Variants in LRRC71 observed in about 807,000 individuals in gnomAD.
LRRC71 encodes leucine-rich repeat-containing protein 71.
LRRC71 carries 54 observed loss-of-function variants against 66.6 expected under a neutral mutation model. That is an observed-to-expected ratio of 0.81 (90% CI 0.65 to 1.02). The LOEUF (loss-of-function observed/expected upper bound fraction) is 1.02. Among genes scored for constraint, LRRC71 ranks in the 50% least tolerant of loss-of-function variants. The probability of loss-of-function intolerance (pLI) is 0.00; values close to 1 mark genes in which losing one functional copy is unlikely to be tolerated. For synonymous variants in LRRC71, 323 were observed against 303.9 expected (o/e 1.06, Z -0.65); for missense variants, 724 against 718.0 (o/e 1.01, Z -0.10).
intron 9 of LRRC71, among the ~76,000 whole-genome samples, chr1:156,928,419 C>CTTA (rs1392218392): frequency 1.0e-4 from 12 of 115,284 alleles, no homozygotes; most frequent in Middle Eastern, 4.0e-3. Flanking sequence ...TCTTATTCCT[C>CTTA]CTCCTCCTCT....
chr1:156,928,937 A>T (rs1479401870), intron 9 of LRRC71, among the ~76,000 whole-genome samples: 2 of 152,020 alleles, frequency 1.3e-5, no homozygotes, highest in Non-Finnish European at 2.9e-5. Context: ...TACCTATTTC[A>T]TGACTGTCGA....
chr1:156,926,575 CCT>C (rs1491555222), intron 5 of LRRC71, among the ~76,000 whole-genome samples: 6 of 133,358 alleles, frequency 4.5e-5, no homozygotes, highest in African/African-American at 1.8e-4. Flanking sequence ...CCACCCCCCA[CCT>C]CTTCTTTTTT....
At position 156,929,471 on chromosome 1, in the gene LRRC71, G is replaced by A. The variant is rs753968786; in HGVS notation, c.1146+42G>A. 3.7e-5 allele frequency: 59 copies of A among 1,612,418 alleles called. No homozygotes were observed. The South Asian group carries it at 6.5e-4, about 18-fold the overall frequency. On this transcript the variant is annotated intron_variant, in intron 10 of 14. Coordinates refer to ENST00000337428, the MANE Select transcript of LRRC71 (RefSeq NM_144702.3). ...ACAGATCCTGGGTGCTGGACGGACA[G>A]GGGAGGGGGCTTCCATCATGTACAG...
intron 9 of LRRC71, 137 bp downstream of exon 9, chr1:156,928,141 T>C: frequency 1.2e-6 from 1 of 869,322 alleles, no homozygotes. Flanking sequence ...TTCCCTCCGA[T>C]TTCTGCACAG....
rs201173672 is a variant in LRRC71, at chr1:156,930,015, TTTTTC to T, written c.1240+301_1240+305del. ...GCTGGGGCCCCCTCCAGCCATTTCT[TTTTTC>T]TTTTCTTTTCTTTTTCTTTCTTTCT... On this transcript the variant is annotated intron_variant, in intron 11 of 14. Transcript: ENST00000337428. Among the ~76,000 whole-genome samples the T allele has an allele frequency of 9.8e-3, 1,451 of 148,772 alleles. 15 individuals carry two copies. The highest frequency in any genetic ancestry group is 0.018 in the Middle Eastern group (5 of 280).
Position 156,920,780 on chromosome 1 carries a change from A to G in LRRC71, c.-24A>G, listed in dbSNP as rs1652232121. ...ACCTTCCTGCCCCGACGAAGGTCCC[A>G]GAGACGCTGCGGACAACACCAGCAT... On this transcript the variant is annotated 5_prime_UTR_variant, in exon 1 of 15. Transcript: ENST00000337428. The surrounding 1 kb of genome is among the most constrained non-coding windows in gnomAD (Gnocchi z 4.9). 2 of 1,491,710 alleles carry G rather than the reference A, an allele frequency of 1.3e-6. No homozygotes were observed. The highest frequency in any genetic ancestry group is 2.6e-5 in the East Asian group (1 of 38,934). 92.4% of individuals were successfully genotyped at this position (1,491,710 alleles called of 1,614,324 possible). A position where few individuals can be genotyped will look rare whatever the true frequency, so the allele number is the denominator to read the frequency against.
chr1:156,923,508 G>A (rs1039712589), intron 1 of LRRC71, among the ~76,000 whole-genome samples: 1 of 152,246 alleles, frequency 6.6e-6, no homozygotes, highest in Admixed American at 6.5e-5. Flanking sequence ...GCTCTTGGGT[G>A]TATGTGTAGG....
the LRRC71 span, chr1:156,938,291 C>T: frequency 4.8e-6 from 4 of 826,994 alleles, no homozygotes; most frequent in South Asian, 2.0e-5. Flanking sequence ...TCTTCCTCCT[C>T]CCCATTCCAG....
chr1:156,938,326 G>C, the LRRC71 span: 3 of 1,198,640 alleles, frequency 2.5e-6, no homozygotes, highest in Non-Finnish European at 3.6e-6. Context: ...TTGTGGGTGT[G>C]TGTGTGACCA....
chr1:156,937,559 T>C (rs1048918911), downstream of LRRC71: 18 of 1,481,690 alleles, frequency 1.2e-5, no homozygotes, highest in Non-Finnish European at 1.6e-5. Flanking sequence ...TATCCTCCCG[T>C]TCCTGTGGGA....
intron 1 of LRRC71, 101 bp downstream of exon 1, chr1:156,921,064 T>C: frequency 7.8e-7 from 1 of 1,284,782 alleles, no homozygotes; most frequent in Non-Finnish European, 1.0e-6. Flanking sequence ...AACTCATACA[T>C]ACCTACGTTG....
In LRRC71 at chr1:156,924,037, C is replaced by G. The variant is rs1418707932; in HGVS notation, c.249C>G (p.Asn83Lys). 2 of 1,548,262 alleles carry G rather than the reference C, an allele frequency of 1.3e-6. No homozygotes were observed. The highest frequency in any genetic ancestry group is 2.4e-5 in the East Asian group (1 of 40,904). ...WGYTDFPKVV[N>K]RPRPHPPFVP... ...ACACGGACTTCCCCAAAGTTGTCAACCGGCCCCGCCCCCACCCGCCCTTCG... is the reference window on the plus strand; with the variant it reads ...ACACGGACTTCCCCAAAGTTGTCAAGCGGCCCCGCCCCCACCCGCCCTTCG... The change falls in exon 2 of 15, where the codon AAC becomes AAG. Residue 83 changes from asparagine (N) to lysine (K), a missense_variant. Asn to Lys is a moderately conservative substitution (Grantham distance 94). Coordinates refer to ENST00000337428, the MANE Select transcript of LRRC71 (RefSeq NM_144702.3).
downstream of LRRC71, chr1:156,937,052 A>T: frequency 6.3e-7 from 1 of 1,596,088 alleles, no homozygotes; most frequent in Non-Finnish European, 8.6e-7. Context: ...TTCTATTCCT[A>T]AGGCCCCTGG....
At chr1:156,924,134 G>A (rs912017579) in intron 2 of LRRC71, 36 bp downstream of exon 2, 2 of 1,546,078 alleles carry the variant, frequency 1.3e-6, no homozygotes, top group African/African-American at 1.4e-5. Context: ...GCCTGCCAGG[G>A]CCGCCTAGTC....
rs781374670 is a variant in LRRC71 at position 156,924,557 on chromosome 1, G to T, written c.439+5G>T. 1.3e-6 allele frequency: 2 copies of T among 1,551,504 alleles called. No individual in the cohort carries two copies. Among genetic ancestry groups the T allele is most frequent in the Non-Finnish European group, 1.7e-6 (2 of 1,146,944 alleles). On this transcript the variant is annotated splice_donor_5th_base_variant and intron_variant, in intron 3 of 14. Transcript: ENST00000337428. ...TGAAGGAAATCTACATCCGCGGTGA[G>T]CCCCGCTCCCCCCACCCGCCCCAGC... is the stretch of plus-strand genomic sequence containing the variant.
rs566050671 is a variant in LRRC71 at position 156,924,166 on chromosome 1, C to G, written c.310+68C>G. 36 of 1,501,662 alleles carry G rather than the reference C, an allele frequency of 2.4e-5. No homozygotes were observed. The Middle Eastern group carries it at 6.7e-4, about 28-fold the overall frequency. The allele number at this position is 1,501,662 out of a possible 1,614,324, so 93.0% of individuals were successfully genotyped here. On this transcript the variant is annotated intron_variant, in intron 2 of 14. Transcript: ENST00000337428. ...AGTCCATCCTCAGCCTCCCTTCCCA[C>G]GCCGGGCCAAATGGAGGGACGCGGG...
chr1:156,928,312 A>ACTT (rs755253025), intron 9 of LRRC71, among the ~76,000 whole-genome samples: 5 of 146,786 alleles, frequency 3.4e-5, no homozygotes, highest in East Asian at 4.2e-4. Flanking sequence ...TTACTAAACA[A>ACTT]CTTCTTCTTC....
At position 156,929,376 on chromosome 1, in the gene LRRC71, ACG is replaced by A; in HGVS notation, c.1095_1096del (p.Gln366AspfsTer6). On this transcript the variant is annotated frameshift_variant, in exon 10 of 15. Coordinates refer to ENST00000337428, the MANE Select transcript of LRRC71 (RefSeq NM_144702.3). LOFTEE classifies it high-confidence loss of function. ...TGCATTGGTGGACAAGACAGACAAG[ACG>A]CAGACAATGAAAACCCCTAAGGGCC... Reference protein sequence around the residue: ...NSALVDKTDKTQTMKTPKGLG... With the variant: ...NSALVDKTDKXQTMKTPKGLG... The A allele has an allele frequency of 6.2e-7, 1 of 1,613,834 alleles. No individual in the cohort carries two copies. The highest frequency in any genetic ancestry group is 8.5e-7 in the Non-Finnish European group (1 of 1,179,840).
chr1:156,923,354 T>C (rs1038955420), intron 1 of LRRC71, among the ~76,000 whole-genome samples: 1 of 152,146 alleles, frequency 6.6e-6, no homozygotes, highest in African/African-American at 2.4e-5. Context: ...AGCCCTCAGG[T>C]TGGGATGTGG....
Sources: gnomAD v4.1 joint callset for allele counts (sites outside exome capture counted in the v4.1 genomes callset) on GRCh38, gnomAD v4.1.1 for gene constraint, Gnocchi (gnomAD v3.1) non-coding constraint, MANE v1.5 for transcripts, NCBI Gene and HGNC (gene_info 2026-07-23, HGNC 2026-07-21) for gene names.